Variants in TM9SF3 observed in about 807,000 individuals in gnomAD.
TM9SF3 encodes SM-11044-binding protein.
In TM9SF3, 14 loss-of-function variants were observed where a neutral mutation model predicts 78.6. The ratio of observed to expected loss-of-function variants is 0.18; its 90% confidence interval spans 0.12 to 0.28. The LOEUF (loss-of-function observed/expected upper bound fraction) is 0.28. Ranked by LOEUF, TM9SF3 falls within the 10% of genes least tolerant of loss-of-function variation. The probability of loss-of-function intolerance (pLI) is 1.00; values close to 1 mark genes in which losing one functional copy is unlikely to be tolerated. For missense variants in TM9SF3, 496 were observed against 721.9 expected, an observed-to-expected ratio of 0.69 and a Z score of 3.59; for synonymous variants, 231 against 241.7, an observed-to-expected ratio of 0.96 and a Z score of 0.41.
intron 7 of TM9SF3, among the ~76,000 whole-genome samples, chr10:96,548,797 C>CAAAAAAAAA (rs5787196): frequency 5.1e-5 from 3 of 58,466 alleles, no homozygotes; most frequent in Non-Finnish European, 7.3e-5. Context: ...GACTCCATCT[C>CAAAAAAAAA]AAAAAAAAAA....
chr10:96,585,798 A>T (rs192254185), intron 1 of TM9SF3, among the ~76,000 whole-genome samples: 1 of 152,306 alleles, frequency 6.6e-6, no homozygotes, highest in Non-Finnish European at 1.5e-5. Flanking sequence ...AAGGTATAAA[A>T]AACAATTACT....
intron 2 of TM9SF3, among the ~76,000 whole-genome samples, chr10:96,575,666 T>C (rs967982920): frequency 2.0e-5 from 3 of 151,946 alleles, no homozygotes; most frequent in Non-Finnish European, 4.4e-5. Context: ...ACTATTCATC[T>C]TACACATGGA....
chr10:96,535,328 T>TA (rs71486799), intron 9 of TM9SF3, among the ~76,000 whole-genome samples: 22 of 151,804 alleles, frequency 1.4e-4, no homozygotes, highest in Middle Eastern at 3.4e-3. Flanking sequence ...GGCAAGCTGT[T>TA]AAAAAAAAAT....
chr10:96,582,484 C>G (rs1056197525), intron 1 of TM9SF3, among the ~76,000 whole-genome samples: 7 of 152,170 alleles, frequency 4.6e-5, no homozygotes, highest in Admixed American at 3.9e-4. Flanking sequence ...TAATCTAACT[C>G]TAGATGCTTC....
At chr10:96,553,404 G>C (rs1212162785) in intron 5 of TM9SF3, among the ~76,000 whole-genome samples, 1 of 152,178 alleles carries the variant, frequency 6.6e-6, no homozygotes, top group Non-Finnish European at 1.5e-5. Flanking sequence ...AACATTGCCA[G>C]TTTCTGACTA....
intron 3 of TM9SF3, 79 bp downstream of exon 3, chr10:96,565,225 A>G: frequency 7.7e-7 from 1 of 1,291,404 alleles, no homozygotes; most frequent in Non-Finnish European, 1.0e-6. Flanking sequence ...TCCAGTACAC[A>G]ATCACCTTAA....
chr10:96,522,651 A>G (rs183658731), intron 14 of TM9SF3, among the ~76,000 whole-genome samples: 1 of 152,082 alleles, frequency 6.6e-6, no homozygotes, highest in Admixed American at 6.6e-5. Context: ...GTTAAATCAA[A>G]AAACATGCCT....
chr10:96,527,925 A>T, intron 12 of TM9SF3, 106 bp downstream of exon 12: 1 of 1,146,362 alleles, frequency 8.7e-7, no homozygotes. Context: ...TATTTTAAGT[A>T]ACAACATTTC....
intron 9 of TM9SF3, among the ~76,000 whole-genome samples, chr10:96,533,850 C>T (rs907114212): frequency 1.1e-4 from 17 of 152,158 alleles, no homozygotes; most frequent in Admixed American, 3.3e-4. Context: ...GAAGACCATA[C>T]GGAGATTTTA....
chr10:96,551,456 G>C, intron 6 of TM9SF3, 45 bp from the exon 7 acceptor site: 1 of 1,368,616 alleles, frequency 7.3e-7, no homozygotes. Flanking sequence ...AAATCATTCA[G>C]AATCAAACTA....
intron 1 of TM9SF3, among the ~76,000 whole-genome samples, chr10:96,584,910 A>G (rs1374610496): frequency 6.6e-6 from 1 of 152,242 alleles, no homozygotes; most frequent in Non-Finnish European, 1.5e-5. Context: ...TTTTTTGTCT[A>G]GCAACCATCT....
intron 2 of TM9SF3, among the ~76,000 whole-genome samples, chr10:96,568,742 T>C (rs1052086670): frequency 2.0e-5 from 3 of 151,934 alleles, no homozygotes; most frequent in Non-Finnish European, 4.4e-5. Flanking sequence ...ATATAAAAAG[T>C]TATAGAGAAA....
chr10:96,531,877 G>A (rs1442962134), intron 10 of TM9SF3, among the ~76,000 whole-genome samples: 1 of 151,834 alleles, frequency 6.6e-6, no homozygotes, highest in Non-Finnish European at 1.5e-5. Context: ...ATATTGATGG[G>A]TCCTAACATA....
At chr10:96,544,025 G>A (rs1413995798) in intron 9 of TM9SF3, 51 bp downstream of exon 9, 2 of 1,569,574 alleles carry the variant, frequency 1.3e-6, no homozygotes, top group South Asian at 1.2e-5. Flanking sequence ...GTAGGTCTCA[G>A]TTAGAATGTG....
Position 96,586,880 on chromosome 10 carries a change from C to CCCG in TM9SF3, c.-48_-46dup. On this transcript the variant is annotated 5_prime_UTR_variant, in exon 1 of 15. Coordinates refer to ENST00000371142, the MANE Select transcript of TM9SF3 (RefSeq NM_020123.4). ...CGGAGCCGGCTCACCGACTCCTCCT[C>CCCG]CCGCCGCCGCCTCCTCCGCCGCCGC... 4.2e-6 allele frequency: 4 copies of CCCG among 952,538 alleles called. No individual in the cohort carries two copies. The highest frequency in any genetic ancestry group is 3.9e-6 in the Non-Finnish European group (3 of 768,860). 59.0% of individuals were successfully genotyped at this position (952,538 alleles called of 1,614,324 possible). A position where few individuals can be genotyped will look rare whatever the true frequency, so the allele number is the denominator to read the frequency against.
chr10:96,586,002 C>A (rs889595541), intron 1 of TM9SF3, among the ~76,000 whole-genome samples: 1 of 152,168 alleles, frequency 6.6e-6, no homozygotes, highest in African/African-American at 2.4e-5. Flanking sequence ...CTGGCCCTGA[C>A]CTGAAGACTG....
intron 10 of TM9SF3, among the ~76,000 whole-genome samples, chr10:96,532,473 A>C (rs1461396126): frequency 6.6e-6 from 1 of 151,686 alleles, no homozygotes; most frequent in Admixed American, 6.6e-5. Context: ...AGGGACAGAG[A>C]CTTTATATAT....
intron 14 of TM9SF3, among the ~76,000 whole-genome samples, chr10:96,524,480 T>C (rs1317240750): frequency 6.6e-6 from 1 of 151,856 alleles, no homozygotes; most frequent in Non-Finnish European, 1.5e-5. Flanking sequence ...TACAAAACAT[T>C]GTTCCCCTTT....
chr10:96,561,841 T>C lies in TM9SF3; in HGVS notation c.582+137A>G. The C allele has an allele frequency of 5.3e-6, 4 of 748,892 alleles. No homozygotes were observed. The East Asian group carries it at 1.1e-4, about 21-fold the overall frequency. The allele number at this position is 748,892 out of a possible 1,614,324, so 46.4% of individuals were successfully genotyped here. On this transcript the variant is annotated intron_variant, in intron 4 of 14. Transcript: ENST00000371142. ...TTTCAGGAGGCTTACTTACGTACAC[T>C]GAGAAAATATAGTTTTAATAATATT...
Sources: gnomAD v4.1 joint callset for allele counts (sites outside exome capture counted in the v4.1 genomes callset) on GRCh38, gnomAD v4.1.1 for gene constraint, MANE v1.5 for transcripts, NCBI Gene and HGNC (gene_info 2026-07-23, HGNC 2026-07-21) for gene names.